The following VPS35L variants were observed in gnomAD, a reference collection of about 807,000 sequenced individuals.
VPS35L encodes the protein VPS35 endosomal protein sorting factor like.
Under a neutral mutation model 133.0 loss-of-function variants are expected in VPS35L, and 83 were observed. The observed-to-expected ratio is 0.62, with a 90% CI of 0.52 to 0.75. VPS35L has a LOEUF of 0.75. Ranked by LOEUF, VPS35L falls within the 30% of genes least tolerant of loss-of-function variation. VPS35L has a pLI of 0.00. For synonymous variants in VPS35L, 423 were observed against 449.9 expected (o/e 0.94, Z 0.76); for missense variants, 1,083 against 1,206.8 (o/e 0.90, Z 1.52).
chr16:19,699,595 G>A lies in VPS35L; in HGVS notation c.2740G>A (p.Val914Ile), dbSNP rs762878146. 45 of 1,613,968 alleles carry A rather than the reference G, an allele frequency of 2.8e-5. No homozygotes were observed. Among genetic ancestry groups the A allele is most frequent in the Middle Eastern group, 1.6e-4 (1 of 6,084 alleles). The stretch of plus-strand genomic sequence containing the variant: ...CAACAACAAGCTCAACCAGCTCTCC[G>A]TCAACCTGTGGCACCTGGCACAGAG... ...LRNNKLNQLS[V>I]NLWHLAQRHG... Residue 914 changes from valine to isoleucine, a missense_variant, in exon 30 of 31, where the codon GTC becomes ATC. Physicochemically the swap from Val to Ile is conservative, Grantham distance 29. Coordinates refer to ENST00000417362, the MANE Select transcript of VPS35L (RefSeq NM_020314.7). The surrounding 1 kb of genome is among the most constrained non-coding windows in gnomAD (Gnocchi z 4.2).
intron 22 of VPS35L, 141 bp downstream of exon 22, chr16:19,642,617 C>T (rs1466147826): frequency 6.1e-6 from 4 of 657,714 alleles, no homozygotes; most frequent in Non-Finnish European, 9.5e-6. Context: ...CTAACGAGGA[C>T]ATTCCAATCC....
chr16:19,575,804 A>G (rs928365842), intron 5 of VPS35L, among the ~76,000 whole-genome samples: 1 of 151,198 alleles, frequency 6.6e-6, no homozygotes, highest in Non-Finnish European at 1.5e-5. Flanking sequence ...CGGAAGTTGC[A>G]GTGAGCCAAG....
chr16:19,606,137 C>G (rs779684570), intron 9 of VPS35L, among the ~76,000 whole-genome samples: 1 of 152,206 alleles, frequency 6.6e-6, no homozygotes, highest in Admixed American at 6.5e-5. Flanking sequence ...TGCAAGGCAG[C>G]CTGCCTTTAG....
At chr16:19,599,625 C>G (rs62026187) in intron 8 of VPS35L, among the ~76,000 whole-genome samples, 50,381 of 151,626 alleles carry the variant, frequency 0.33, 9,163 homozygotes, top group Non-Finnish European at 0.4. Flanking sequence ...CTCTGCCTCT[C>G]AAGTAGCTGG....
chr16:19,578,372 T>TAA, intron 5 of VPS35L: 3 of 380,684 alleles, frequency 7.9e-6, no homozygotes, highest in South Asian at 3.6e-5. Context: ...AGACCCCATC[T>TAA]CAAAAAAAAA....
chr16:19,576,181 CAAAAAAAAAAAA>C (rs1226899139), intron 5 of VPS35L, among the ~76,000 whole-genome samples: 4 of 130,628 alleles, frequency 3.1e-5, no homozygotes, highest in East Asian at 2.1e-4. Context: ...AAAAAAAAAA[CAAAAAAAAAAAA>C]CAAAGAGGTT....
chr16:19,592,328 C>A (rs1364118843), intron 8 of VPS35L, among the ~76,000 whole-genome samples: 4 of 151,924 alleles, frequency 2.6e-5, no homozygotes, highest in African/African-American at 9.7e-5. Context: ...GATCCTCCTG[C>A]CTTAGCCTCC....
At chr16:19,636,914 G>T (rs1265256814) in intron 19 of VPS35L, among the ~76,000 whole-genome samples, 1 of 152,002 alleles carries the variant, frequency 6.6e-6, no homozygotes, top group Non-Finnish European at 1.5e-5. Flanking sequence ...CCATCCTTGG[G>T]TAATACCTTG....
intron 7 of VPS35L, among the ~76,000 whole-genome samples, chr16:19,590,779 C>G (rs1972019791): frequency 1.3e-5 from 2 of 151,624 alleles, no homozygotes; most frequent in Non-Finnish European, 2.9e-5. Context: ...TGAGAACCTG[C>G]CTCTACATAA....
chr16:19,583,229 G>A (rs1167196513), intron 7 of VPS35L, among the ~76,000 whole-genome samples: 1 of 151,642 alleles, frequency 6.6e-6, no homozygotes, highest in East Asian at 1.9e-4. Flanking sequence ...AGATTCCCCC[G>A]AGCCTGTCTG....
chr16:19,621,666 A>G (rs1179875972), intron 14 of VPS35L, among the ~76,000 whole-genome samples: 1 of 152,248 alleles, frequency 6.6e-6, no homozygotes, highest in Non-Finnish European at 1.5e-5. Flanking sequence ...AAAGATAATC[A>G]ATTCTGTCAC....
chr16:19,661,445 C>T (rs936296438), intron 26 of VPS35L, among the ~76,000 whole-genome samples: 2 of 152,114 alleles, frequency 1.3e-5, no homozygotes, highest in East Asian at 1.9e-4. Flanking sequence ...CAGACAGAGG[C>T]GTATTGAAAG....
chr16:19,562,173 T>C (rs1334026258), intron 1 of VPS35L, among the ~76,000 whole-genome samples: 1 of 152,072 alleles, frequency 6.6e-6, no homozygotes, highest in East Asian at 1.9e-4. Context: ...GGGGGGCTAC[T>C]ATAGTGGGGT....
intron 1 of VPS35L, among the ~76,000 whole-genome samples, chr16:19,556,077 G>A (rs1970845584): frequency 6.6e-6 from 1 of 152,204 alleles, no homozygotes; most frequent in South Asian, 2.1e-4. Flanking sequence ...CTGGATGAGG[G>A]TAATGGTGGA....
chr16:19,667,148 C>T (rs1258823004), intron 26 of VPS35L, among the ~76,000 whole-genome samples: 1 of 151,674 alleles, frequency 6.6e-6, no homozygotes, highest in Non-Finnish European at 1.5e-5. Context: ...ATTTTTAGTA[C>T]AGACAGGGTT....
At chr16:19,576,738 T>G (rs1971551552) in intron 5 of VPS35L, among the ~76,000 whole-genome samples, 1 of 151,994 alleles carries the variant, frequency 6.6e-6, no homozygotes, top group South Asian at 2.1e-4. Flanking sequence ...CATAGAATTT[T>G]TTTTTTTTTT....
intron 2 of VPS35L, among the ~76,000 whole-genome samples, chr16:19,566,483 G>T (rs997125615): frequency 2.0e-5 from 3 of 152,088 alleles, no homozygotes; most frequent in African/African-American, 7.2e-5. Context: ...GCAACAGAGA[G>T]AAACTCCATC....
At chr16:19,574,203 G>C (rs948164537) in intron 4 of VPS35L, among the ~76,000 whole-genome samples, 2 of 152,158 alleles carry the variant, frequency 1.3e-5, no homozygotes, top group African/African-American at 4.8e-5. Context: ...GTCCAGGGCT[G>C]GTTTGGCAGC....
In VPS35L at chr16:19,573,168, C is replaced by A; in HGVS notation, c.335C>A (p.Ser112Ter). 1.9e-6 allele frequency: 3 copies of A among 1,613,926 alleles called. No homozygotes were observed. Among genetic ancestry groups the A allele is most frequent in the Non-Finnish European group, 2.5e-6 (3 of 1,179,886 alleles). Residue 112 changes from serine (S) to a stop codon, truncating the protein, a stop_gained, in exon 4 of 31, where the codon TCG (serine) becomes TAG (stop). Transcript: ENST00000417362. LOFTEE classifies it high-confidence loss of function. ...RDRDDNSVVG[S>*]DFEPWTNKRG... ...AGAGATGATAACTCCGTTGTAGGAT[C>A]GGATTTTGAGCCTTGGACCAACAAA...
Sources: gnomAD v4.1 joint callset for allele counts (sites outside exome capture counted in the v4.1 genomes callset) on GRCh38, gnomAD v4.1.1 for gene constraint, Gnocchi (gnomAD v3.1) non-coding constraint, MANE v1.5 for transcripts, NCBI Gene and HGNC (gene_info 2026-07-23, HGNC 2026-07-21) for gene names.